SFTPA2: variants seen among roughly 807,000 people sequenced by gnomAD.
SFTPA2 encodes surfactant protein A2.
A neutral mutation model predicts 20.3 loss-of-function variants in SFTPA2; 21 were observed. The observed-to-expected ratio is 1.03, with a 90% CI of 0.73 to 1.49. The LOEUF (loss-of-function observed/expected upper bound fraction) is 1.49. SFTPA2 is among the 40% of genes most tolerant of loss of function. The pLI, the probability that SFTPA2 is intolerant of heterozygous loss-of-function variation, is 0.00. For synonymous variants in SFTPA2, 116 were observed against 118.7 expected (o/e 0.98, Z 0.15); for missense variants, 302 against 314.8 (o/e 0.96, Z 0.31).
At position 79,558,181 on chromosome 10, in the gene SFTPA2, C is replaced by G. The variant is rs1280095988; in HGVS notation, c.293-52G>C. 7 of 1,613,328 alleles carry G rather than the reference C, an allele frequency of 4.3e-6. No individual in the cohort carries two copies. In the African/African-American group the frequency reaches 8.0e-5, roughly 18 times the overall value. On this transcript the variant is annotated intron_variant, in intron 4 of 5. Transcript: ENST00000372325. ...AGGGGCAGGCCAGTGAAGACTCCCA[C>G]TTGCTGCCACGCAGGCGTTTTGCCA...
chr10:79,558,791 C>G, intron 4 of SFTPA2, 95 bp downstream of exon 4: 1 of 1,603,718 alleles, frequency 6.2e-7, no homozygotes, highest in Non-Finnish European at 8.5e-7. Context: ...CCTTGGGGAA[C>G]CTGCAGGGTT....
chr10:79,557,155 G>A lies in SFTPA2; in HGVS notation c.*54C>T. The A allele has an allele frequency of 6.2e-7, 1 of 1,613,952 alleles. No homozygotes were observed. Among genetic ancestry groups the A allele is most frequent in the Non-Finnish European group, 8.5e-7 (1 of 1,179,906 alleles). On this transcript the variant is annotated 3_prime_UTR_variant, in exon 6 of 6. Coordinates refer to ENST00000372325, the MANE Select transcript of SFTPA2 (RefSeq NM_001098668.4). ...TCTCACAGACCAAGTGGATCCTGGG[G>A]ATGGAAACTGAAGGCCAGACAGGAT...
At chr10:79,558,446 C>T (rs867431977) in intron 4 of SFTPA2, among the ~76,000 whole-genome samples, 8 of 152,250 alleles carry the variant, frequency 5.3e-5, no homozygotes, top group Middle Eastern at 3.4e-3. Context: ...CAAGGGCAAG[C>T]ATGATGCTCT....
chr10:79,556,119 G>C lies in SFTPA2; in HGVS notation c.*1090C>G, dbSNP rs1466692593. ...ATAATAAACTGTATTAAAAGATTTT[G>C]TCAAGGTGTGTGGCACATGGTATGT... is the stretch of plus-strand genomic sequence containing the variant. On this transcript the variant is annotated 3_prime_UTR_variant, in exon 6 of 6. Transcript: ENST00000372325. 1 of 166,324 alleles carries C rather than the reference G, an allele frequency of 6.0e-6. No homozygotes were observed. The highest frequency in any genetic ancestry group is 2.4e-5 in the African/African-American group (1 of 41,428). The allele number at this position is 166,324 out of a possible 1,614,324, so 10.3% of individuals were successfully genotyped here. A position where few individuals can be genotyped will look rare whatever the true frequency, so the allele number is the denominator to read the frequency against.
intron 5 of SFTPA2, among the ~76,000 whole-genome samples, 157 bp downstream of exon 5, chr10:79,557,895 T>C (rs1589224556): frequency 1.3e-5 from 2 of 152,332 alleles, no homozygotes; most frequent in Admixed American, 1.3e-4. Context: ...TTGTCTCCTC[T>C]TGGCCATTCA....
intron 4 of SFTPA2, 48 bp downstream of exon 4, chr10:79,558,838 G>C (rs767845328): frequency 6.3e-7 from 1 of 1,578,268 alleles, no homozygotes; most frequent in Admixed American, 1.7e-5. Flanking sequence ...ACTGACTTCA[G>C]GTCGCTGTGC....
rs182060777 is a variant in SFTPA2 at position 79,556,125 on chromosome 10, G to T, written c.*1084C>A. 8.4e-5 allele frequency: 14 copies of T among 166,780 alleles called. No individual in the cohort carries two copies. The highest frequency in any genetic ancestry group is 3.4e-4 in the African/African-American group (14 of 41,562). The allele number at this position is 166,780 out of a possible 1,614,324, so 10.3% of individuals were successfully genotyped here. A position where few individuals can be genotyped will look rare whatever the true frequency, so the allele number is the denominator to read the frequency against. The stretch of plus-strand genomic sequence containing the variant: ...AACTGTATTAAAAGATTTTGTCAAG[G>T]TGTGTGGCACATGGTATGTGCTCGG... On this transcript the variant is annotated 3_prime_UTR_variant, in exon 6 of 6. Coordinates refer to ENST00000372325, the MANE Select transcript of SFTPA2 (RefSeq NM_001098668.4).
Position 79,557,841 on chromosome 10 carries a change from A to G in SFTPA2, c.370+211T>C, listed in dbSNP as rs889935375. Among the ~76,000 whole-genome samples the G allele has an allele frequency of 9.2e-5, 14 of 152,372 alleles. No individual in the cohort carries two copies. The South Asian group carries it at 1.2e-3, about 14-fold the overall frequency. The stretch of plus-strand genomic sequence containing the variant: ...GGATTCAGTGGAAAGCAAGACAGGC[A>G]GAGAACTTGCTTTCTTATGAAATGG... On this transcript the variant is annotated intron_variant, in intron 5 of 5. Transcript: ENST00000372325.
chr10:79,560,164 C>T (rs971136948), intron 1 of SFTPA2, 166 bp from the exon 2 acceptor site: 20 of 300,078 alleles, frequency 6.7e-5, no homozygotes, highest in Non-Finnish European at 9.6e-5. Flanking sequence ...AGGGATGGAT[C>T]TGGCCAAGGA....
At position 79,557,114 on chromosome 10, in the gene SFTPA2, A is replaced by T. The variant is rs1858829134; in HGVS notation, c.*95T>A. ...TAATAGCCACAAGTGAATTCTGTTG[A>T]AAGGGAGTTCTAGCATCTCACAGAC... On this transcript the variant is annotated 3_prime_UTR_variant, in exon 6 of 6. Coordinates refer to ENST00000372325, the MANE Select transcript of SFTPA2 (RefSeq NM_001098668.4). 1 of 1,604,930 alleles carries T rather than the reference A, an allele frequency of 6.2e-7. No homozygotes were observed. Among genetic ancestry groups the T allele is most frequent in the East Asian group, 2.2e-5 (1 of 44,742 alleles).
rs764577010 is a variant in SFTPA2 at position 79,557,327 on chromosome 10, T to C, written c.629A>G (p.Asn210Ser). 2.5e-6 allele frequency: 4 copies of C among 1,614,056 alleles called. No individual in the cohort carries two copies. Among genetic ancestry groups the C allele is most frequent in the Non-Finnish European group, 2.5e-6 (3 of 1,180,038 alleles). ...YSDGTPVNYTNWYRGEPAGRG... is the reference protein window; with the variant it reads ...YSDGTPVNYTSWYRGEPAGRG... ...ACCTGCAGGCTCCCCTCGGTACCAG[T>C]TGGTGTAGTTTACAGGGGTCCCATC... The change falls in exon 6 of 6, where the codon AAC (asparagine) becomes AGC (serine). Residue 210 changes from asparagine (N) to serine (S), a missense_variant. By Grantham distance (46) the Asn-to-Ser change is conservative. Transcript: ENST00000372325.
intron 4 of SFTPA2, among the ~76,000 whole-genome samples, chr10:79,558,497 A>G (rs1356527890): frequency 2.6e-5 from 4 of 151,990 alleles, no homozygotes; most frequent in African/African-American, 9.7e-5. Flanking sequence ...TCTGAGCTTC[A>G]AAGTTCCCCT....
chr10:79,560,106 G>T (rs1304436600), intron 1 of SFTPA2, 108 bp from the exon 2 acceptor site: 1 of 882,930 alleles, frequency 1.1e-6, no homozygotes, highest in East Asian at 9.9e-5. Context: ...CTTCCTCTTG[G>T]GGTCTGTTCT....
Position 79,559,004 on chromosome 10 carries a change from G to T in SFTPA2, c.174C>A (p.Gly58=), listed in dbSNP as rs374291858. The T allele has an allele frequency of 1.9e-6, 3 of 1,614,164 alleles. No individual in the cohort carries two copies. Among genetic ancestry groups the T allele is most frequent in the Non-Finnish European group, 2.5e-6 (3 of 1,180,032 alleles). Residue 58 remains glycine, a splice_region_variant and synonymous_variant, in exon 4 of 6, where the codon GGC becomes GGA. Coordinates refer to ENST00000372325, the MANE Select transcript of SFTPA2 (RefSeq NM_001098668.4). ...DGVKGDPGPP[G]PMGPPGETPC... ...GTGTTTCTCCAGGCGGACCCATGGG[G>T]CCTGCAGAGAAAAGAGACATGGATG... is the stretch of plus-strand genomic sequence containing the variant.
Position 79,558,105 on chromosome 10 carries a change from T to A in SFTPA2, c.317A>T (p.Glu106Val), listed in dbSNP as rs759838713. 2 of 1,613,954 alleles carry A rather than the reference T, an allele frequency of 1.2e-6. No homozygotes were observed. Among genetic ancestry groups the A allele is most frequent in the East Asian group, 2.2e-5 (1 of 44,848 alleles). ...GAAGTCGTGGAGTGTGGCTTGGAGCTCCTCATCTAGATGAGCTGGAAGCCC... is the reference window on the plus strand; with the variant it reads ...GAAGTCGTGGAGTGTGGCTTGGAGCACCTCATCTAGATGAGCTGGAAGCCC... ...PPGLPAHLDE[E>V]LQATLHDFRH... The change falls in exon 5 of 6, where the codon GAG becomes GTG. Residue 106 changes from glutamate (E) to valine (V), a missense_variant. Transcript: ENST00000372325.
intron 4 of SFTPA2, 22 bp downstream of exon 4, chr10:79,558,864 C>G: frequency 6.2e-7 from 1 of 1,614,104 alleles, no homozygotes; most frequent in East Asian, 2.2e-5. Flanking sequence ...TTTCCACTGC[C>G]CACCTGCCCC....
At chr10:79,558,001 G>A (rs770625326) in intron 5 of SFTPA2, 51 bp downstream of exon 5, 13 of 1,611,128 alleles carry the variant, frequency 8.1e-6, no homozygotes, top group Non-Finnish European at 8.5e-6. Flanking sequence ...CTGAGAATGA[G>A]GGGAATTTGT....
chr10:79,559,826 G>T lies in SFTPA2; in HGVS notation c.-24+143C>A, dbSNP rs1859086494. On this transcript the variant is annotated intron_variant, in intron 2 of 5. Transcript: ENST00000372325. ...TCAGTGCCTCACTATGTTACCCTGG[G>T]AAACTGGCTTCACCTCTCTGATTTC... 9.4e-6 allele frequency: 13 copies of T among 1,386,102 alleles called. No homozygotes were observed. In the South Asian group the frequency reaches 2.0e-4, roughly 21 times the overall value. 85.9% of individuals were successfully genotyped at this position (1,386,102 alleles called of 1,614,324 possible).
At chr10:79,558,849 C>T (rs758696986) in intron 4 of SFTPA2, 37 bp downstream of exon 4, 6 of 1,613,926 alleles carry the variant, frequency 3.7e-6, no homozygotes, top group Non-Finnish European at 8.5e-7. Context: ...GTCGCTGTGC[C>T]CATGTTTCCA....
Sources: allele counts gnomAD v4.1 joint callset (sites outside exome capture counted in the v4.1 genomes callset), GRCh38; gene constraint gnomAD v4.1.1; transcripts MANE v1.5; gene names NCBI Gene and HGNC (gene_info 2026-07-23, HGNC 2026-07-21).